RGS6: variants seen among roughly 807,000 people sequenced by gnomAD.
The protein encoded by RGS6 is regulator of G protein signaling 6.
Under a neutral mutation model 78.5 loss-of-function variants are expected in RGS6, and 30 were observed. The observed-to-expected ratio is 0.38, with a 90% CI of 0.29 to 0.52. The LOEUF (loss-of-function observed/expected upper bound fraction) is 0.52, where lower values mean the gene tolerates loss of function less well. Ranked by LOEUF, RGS6 falls within the 20% of genes least tolerant of loss-of-function variation. The pLI is 0.85. For missense variants in RGS6, 495 were observed against 609.7 expected, an observed-to-expected ratio of 0.81 and a Z score of 1.98; for synonymous variants, 206 against 206.0, an observed-to-expected ratio of 1.00 and a Z score of 0.00.
At chr14:72,335,487 G>GGACAGGGCATTGGCTC (rs2075861147) in intron 2 of RGS6, among the ~76,000 whole-genome samples, 1 of 152,150 alleles carries the variant, frequency 6.6e-6, no homozygotes, top group African/African-American at 2.4e-5. Flanking sequence ...TGACTCCCAG[G>GGACAGGGCATTGGCTC]GACAGGGCAT....
At chr14:71,974,417 C>A (rs1184911618) in intron 2 of RGS6, among the ~76,000 whole-genome samples, 4 of 152,060 alleles carry the variant, frequency 2.6e-5, no homozygotes, top group Admixed American at 2.6e-4. Context: ...TAGACATACA[C>A]CCACTCCAAA....
intron 2 of RGS6, among the ~76,000 whole-genome samples, chr14:72,201,769 C>G (rs954188587): frequency 1.3e-5 from 2 of 152,152 alleles, no homozygotes; most frequent in East Asian, 3.9e-4. Flanking sequence ...AAATAGTTCT[C>G]CTGGAACACA....
At position 72,474,627 on chromosome 14, in the gene RGS6, A is replaced by T. The variant is rs748444275; in HGVS notation, c.621A>T (p.Pro207=). ...RAFWDVHRPV[P]GCVNTTEMDI... The stretch of plus-strand genomic sequence containing the variant: ...ATGATGTGTTTTTTTTTTCTCAGCC[A>T]GGCTGTGTGAACACAACAGAAATGG... Residue 207 remains proline (P), a splice_region_variant and synonymous_variant, in exon 10 of 18, where the codon CCA becomes CCT. Coordinates refer to ENST00000553525, the MANE Select transcript of RGS6 (RefSeq NM_001204424.2). 5.7e-5 allele frequency: 91 copies of T among 1,605,436 alleles called. 2 individuals carry two copies. In the Middle Eastern group the frequency reaches 1.7e-3, roughly 29 times the overall value.
chr14:72,390,260 G>C (rs2089598056), intron 3 of RGS6, among the ~76,000 whole-genome samples: 1 of 152,000 alleles, frequency 6.6e-6, no homozygotes, highest in African/African-American at 2.4e-5. Context: ...ACCACGCCCA[G>C]TTAATTTTTG....
At chr14:72,162,366 C>CAA (rs2096864318) in intron 2 of RGS6, among the ~76,000 whole-genome samples, 1 of 152,082 alleles carries the variant, frequency 6.6e-6, no homozygotes, top group Non-Finnish European at 1.5e-5. Flanking sequence ...AGGATTTTCA[C>CAA]AGCAAAGATA....
At chr14:71,990,204 C>T (rs1566971467) in intron 2 of RGS6, among the ~76,000 whole-genome samples, 1 of 152,166 alleles carries the variant, frequency 6.6e-6, no homozygotes, top group Admixed American at 6.5e-5. Context: ...ACGCCTATAA[C>T]TCAAACACCT....
chr14:72,339,294 G>A (rs186923290), intron 2 of RGS6, among the ~76,000 whole-genome samples: 11 of 152,272 alleles, frequency 7.2e-5, no homozygotes, highest in African/African-American at 1.2e-4. Flanking sequence ...GGAAAGTGCC[G>A]TTTAAGAAAG....
intron 2 of RGS6, among the ~76,000 whole-genome samples, chr14:71,972,940 C>G (rs1211060984): frequency 6.6e-6 from 1 of 152,114 alleles, no homozygotes; most frequent in African/African-American, 2.4e-5. Context: ...AAGCAAATAG[C>G]TGTAGAACTG....
At chr14:72,205,266 G>A (rs1338301317) in intron 2 of RGS6, among the ~76,000 whole-genome samples, 1 of 151,894 alleles carries the variant, frequency 6.6e-6, no homozygotes, top group Non-Finnish European at 1.5e-5. Flanking sequence ...TACCCATTAT[G>A]GTTTATTCTC....
intron 2 of RGS6, among the ~76,000 whole-genome samples, chr14:71,982,043 G>A (rs1233176555): frequency 6.6e-6 from 1 of 152,220 alleles, no homozygotes; most frequent in East Asian, 1.9e-4. Flanking sequence ...GGAGTGACCC[G>A]ATTTTCCAGG....
intron 14 of RGS6, among the ~76,000 whole-genome samples, chr14:72,516,380 TG>T (rs2096942968): frequency 6.6e-6 from 1 of 152,176 alleles, no homozygotes; most frequent in Non-Finnish European, 1.5e-5. Context: ...AGGGCCCACC[TG>T]AACAATGAGG....
intron 2 of RGS6, among the ~76,000 whole-genome samples, chr14:72,321,674 G>A (rs1176995435): frequency 6.6e-6 from 1 of 151,948 alleles, no homozygotes; most frequent in East Asian, 1.9e-4. Context: ...AAGTGTTTCT[G>A]TATCAACGTA....
At chr14:72,338,702 T>G (rs995770966) in intron 2 of RGS6, among the ~76,000 whole-genome samples, 1 of 152,234 alleles carries the variant, frequency 6.6e-6, no homozygotes, top group Non-Finnish European at 1.5e-5. Context: ...ATGTGAGAAG[T>G]GACGTTGGTG....
intron 3 of RGS6, among the ~76,000 whole-genome samples, chr14:72,364,931 A>G (rs2082184086): frequency 6.6e-6 from 1 of 152,234 alleles, no homozygotes; most frequent in African/African-American, 2.4e-5. Context: ...TCAGCAACAC[A>G]GTGAAAGTCA....
chr14:72,477,903 G>A (rs2096278968), intron 11 of RGS6, among the ~76,000 whole-genome samples: 1 of 152,172 alleles, frequency 6.6e-6, no homozygotes, highest in Non-Finnish European at 1.5e-5. Context: ...TGTGAAAGGT[G>A]GGCAGAGGAG....
At chr14:72,347,582 T>C (rs1226537094) in intron 2 of RGS6, among the ~76,000 whole-genome samples, 6 of 152,218 alleles carry the variant, frequency 3.9e-5, no homozygotes, top group Admixed American at 1.3e-4. Context: ...AATGGGGATA[T>C]AATAATCTAC....
chr14:72,220,638 A>G (rs993477367), intron 2 of RGS6, among the ~76,000 whole-genome samples: 45 of 152,352 alleles, frequency 3.0e-4, no homozygotes, highest in African/African-American at 1.0e-3. Context: ...TGTACTGGCT[A>G]CATGGAATTG....
intron 2 of RGS6, among the ~76,000 whole-genome samples, chr14:72,043,703 G>C (rs192930888): frequency 3.8e-4 from 58 of 152,218 alleles, no homozygotes; most frequent in Non-Finnish European, 6.2e-4. Flanking sequence ...CCCAGGTGTA[G>C]GTATTTTTGA....
chr14:72,121,968 G>A (rs148660662), intron 2 of RGS6, among the ~76,000 whole-genome samples: 164 of 152,246 alleles, frequency 1.1e-3, no homozygotes, highest in African/African-American at 3.9e-3. Flanking sequence ...CTGGCATCTG[G>A]TGGATAGGGG....
Sources: gnomAD v4.1 joint callset for allele counts (sites outside exome capture counted in the v4.1 genomes callset) on GRCh38, gnomAD v4.1.1 for gene constraint, MANE v1.5 for transcripts, NCBI Gene and HGNC (gene_info 2026-07-23, HGNC 2026-07-21) for gene names.